Variants in HM13 observed in about 807,000 individuals in gnomAD.
The protein encoded by HM13 is histocompatibility minor 13.
In HM13, 18 loss-of-function variants were observed where a neutral mutation model predicts 50.0. The ratio of observed to expected loss-of-function variants is 0.36; its 90% CI spans 0.25 to 0.53. The LOEUF (loss-of-function observed/expected upper bound fraction) is 0.53, where lower values mean the gene tolerates loss of function less well. HM13 is among the 20% of genes least tolerant of loss of function. HM13 has a pLI of 0.90. For missense variants in HM13, 393 were observed against 552.4 expected (o/e 0.71, Z 2.89); for synonymous variants, 197 against 232.6 (o/e 0.85, Z 1.39).
In HM13 at chr20:31,569,186, A is replaced by C. The variant is rs1419475035; in HGVS notation, c.1248A>C (p.Ser416=). The C allele has an allele frequency of 1.2e-6, 2 of 1,602,722 alleles. No homozygotes were observed. The highest frequency in any genetic ancestry group is 2.2e-5 in the East Asian group (1 of 44,730). Residue 416 remains serine, a synonymous_variant, in exon 13 of 13, where the codon TCA becomes TCC. Coordinates refer to ENST00000398174, the MANE Select transcript of HM13 (RefSeq NM_178581.3). ...VTESKEGTEA[S]ASKGLEKKEK is the part of the protein sequence containing the mutation. ...AATCCAAAGAGGGAACAGAGGCATC[A>C]GCATCGAAGGGGCTGGAGAAGAAAG...
intron 10 of HM13, among the ~76,000 whole-genome samples, chr20:31,564,455 T>C (rs1984780747): frequency 6.6e-6 from 1 of 151,994 alleles, no homozygotes; most frequent in African/African-American, 2.4e-5. Context: ...CGCACACCTG[T>C]AGGCCCAGCA....
chr20:31,559,780 C>T, intron 9 of HM13, 133 bp downstream of exon 9: 2 of 846,816 alleles, frequency 2.4e-6, no homozygotes. Context: ...CTGATTTTAT[C>T]TGCATTTTGC....
chr20:31,561,804 A>G, intron 10 of HM13, 68 bp downstream of exon 10: 1 of 1,122,172 alleles, frequency 8.9e-7, no homozygotes, highest in South Asian at 1.2e-5. Context: ...AGAGGGATTT[A>G]TTTGTAAATG....
chr20:31,568,157 C>A lies in HM13; in HGVS notation c.1114C>A (p.Leu372Met). 6.2e-7 allele frequency: 1 copy of A among 1,613,302 alleles called. No individual in the cohort carries two copies. Among genetic ancestry groups the A allele is most frequent in the Non-Finnish European group, 8.5e-7 (1 of 1,179,954 alleles). Residue 372 changes from leucine (L) to methionine (M), a missense_variant, in exon 12 of 13, where the codon CTG becomes ATG. Around this residue, in one of 3 missense-constraint regions of HM13, gnomAD observed 105 missense variants for 115.9 expected, o/e 0.91. Coordinates refer to ENST00000398174, the MANE Select transcript of HM13 (RefSeq NM_178581.3). ...FPTVSGSPAS[L>M]ADSMQQKLAG... is the part of the protein sequence containing the mutation. ...CACAGTCTCGGGCTCCCCAGCCAGC[C>A]TGGCCGACTCCATGCAGCAGAAGCT... is the stretch of plus-strand genomic sequence containing the variant.
intron 4 of HM13, among the ~76,000 whole-genome samples, chr20:31,546,897 T>C (rs1189898141): frequency 6.6e-6 from 1 of 151,786 alleles, no homozygotes; most frequent in Non-Finnish European, 1.5e-5. Context: ...CACTCCAGCC[T>C]GGGCGACAGA....
chr20:31,555,267 C>T (rs532392546), intron 8 of HM13, among the ~76,000 whole-genome samples: 33 of 152,370 alleles, frequency 2.2e-4, no homozygotes, highest in African/African-American at 7.9e-4. Flanking sequence ...AGCCCCCTTG[C>T]TCCTCCTCCC....
chr20:31,554,872 G>C (rs1201434909), intron 8 of HM13, 43 bp downstream of exon 8: 1 of 1,464,862 alleles, frequency 6.8e-7, no homozygotes, highest in Admixed American at 1.7e-5. Context: ...GGGTGGAGAG[G>C]GTATTCCCCG....
intron 7 of HM13, chr20:31,550,325 C>T (rs1041529352): frequency 1.4e-5 from 8 of 577,838 alleles, no homozygotes; most frequent in Middle Eastern, 9.4e-4. Flanking sequence ...GCCACTTGGT[C>T]GTGGTGCAGC....
At chr20:31,550,159 A>AC (rs1188631617) in intron 7 of HM13, 38 bp downstream of exon 7, 2 of 1,549,574 alleles carry the variant, frequency 1.3e-6, no homozygotes, top group Non-Finnish European at 1.8e-6. Context: ...CCCTTCCCCC[A>AC]CCCCTGCCGG....
At chr20:31,540,990 AAAAG>A (rs1226209463) in intron 3 of HM13, 3 of 152,082 alleles carry the variant, frequency 2.0e-5, no homozygotes, top group Admixed American at 6.6e-5. Flanking sequence ...AAAAAAAAAA[AAAAG>A]AAATAATTGT....
intron 9 of HM13, among the ~76,000 whole-genome samples, chr20:31,561,278 G>T (rs761414659): frequency 6.6e-6 from 1 of 152,124 alleles, no homozygotes; most frequent in Non-Finnish European, 1.5e-5. Context: ...CTCCCTGGGG[G>T]TGGGACCTAG....
intron 2 of HM13, among the ~76,000 whole-genome samples, chr20:31,528,599 CAGCT>C (rs1157492932): frequency 1.3e-5 from 2 of 152,258 alleles, no homozygotes; most frequent in Admixed American, 6.5e-5. Context: ...CTGCCTCAGC[CAGCT>C]GAGTAGCTAG....
At position 31,569,412 on chromosome 20, in the gene HM13, C is replaced by T. The variant is rs995622747; in HGVS notation, c.*193C>T. 2.2e-6 allele frequency: 1 copy of T among 454,972 alleles called. No homozygotes were observed. Among genetic ancestry groups the T allele is most frequent in the Admixed American group, 3.6e-5 (1 of 27,530 alleles). The allele number at this position is 454,972 out of a possible 1,614,324, so 28.2% of individuals were successfully genotyped here. Reference sequence around the variant, plus strand: ...TTTCTTGGCCCTCCTCTGCTCCTCCCCACACCCTGCAGGCAAAAGAAACCC... The same window carrying T: ...TTTCTTGGCCCTCCTCTGCTCCTCCTCACACCCTGCAGGCAAAAGAAACCC... On this transcript the variant is annotated 3_prime_UTR_variant, in exon 13 of 13. Transcript: ENST00000398174.
intron 8 of HM13, 49 bp downstream of exon 8, chr20:31,554,878 C>A: frequency 6.9e-7 from 1 of 1,446,906 alleles, no homozygotes; most frequent in South Asian, 1.1e-5. Flanking sequence ...AGAGGGTATT[C>A]CCCGGAGCAA....
intron 2 of HM13, among the ~76,000 whole-genome samples, chr20:31,533,091 C>A (rs968164669): frequency 6.6e-6 from 1 of 152,234 alleles, no homozygotes; most frequent in Non-Finnish European, 1.5e-5. Context: ...TCCCCCCTGA[C>A]ATCTGGCTGG....
chr20:31,523,065 T>C (rs1263755808), intron 1 of HM13, among the ~76,000 whole-genome samples: 11 of 151,380 alleles, frequency 7.3e-5, no homozygotes, highest in Non-Finnish European at 1.5e-5. Flanking sequence ...TTTTTTTTTT[T>C]TATGAGACAG....
intron 3 of HM13, 29 bp from the exon 4 acceptor site, chr20:31,544,914 CTGTT>C: frequency 6.3e-7 from 1 of 1,591,130 alleles, no homozygotes; most frequent in Non-Finnish European, 8.6e-7. Flanking sequence ...CATGGGGGCT[CTGTT>C]TGCCGACTTG....
chr20:31,566,028 C>T (rs940631865), intron 10 of HM13, 182 bp from the exon 11 acceptor site: 3 of 493,646 alleles, frequency 6.1e-6, no homozygotes, highest in East Asian at 3.3e-5. Flanking sequence ...CATTCCCTCT[C>T]GGGAGGAGCA....
chr20:31,527,321 G>C (rs1278042403), intron 1 of HM13, among the ~76,000 whole-genome samples, 163 bp from the exon 2 acceptor site: 7 of 145,650 alleles, frequency 4.8e-5, no homozygotes, highest in Non-Finnish European at 1.0e-4. Context: ...CTGGGTGATA[G>C]AGCAAGACTC....
Sources: gnomAD v4.1 joint callset for allele counts (sites outside exome capture counted in the v4.1 genomes callset) on GRCh38, gnomAD v4.1.1 for gene constraint, gnomAD v4.1.1 regional missense constraint, MANE v1.5 for transcripts, NCBI Gene and HGNC (gene_info 2026-07-23, HGNC 2026-07-21) for gene names.